ZFYVE9: variants seen among roughly 807,000 people sequenced by gnomAD.
ZFYVE9 encodes the protein zinc finger FYVE domain-containing protein 9.
In ZFYVE9, 43 loss-of-function variants were observed where a neutral mutation model predicts 126.7. That is an observed-to-expected ratio of 0.34 (90% CI 0.27 to 0.44). The LOEUF (loss-of-function observed/expected upper bound fraction) is 0.44. Ranked by LOEUF, ZFYVE9 falls within the 20% of genes least tolerant of loss-of-function variation. The pLI, the probability that ZFYVE9 is intolerant of heterozygous loss-of-function variation, is 1.00. For synonymous variants in ZFYVE9, 521 were observed against 597.4 expected (o/e 0.87, Z 1.87); for missense variants, 1,476 against 1,697.0 (o/e 0.87, Z 2.29).
At chr1:52,287,696 CA>C (rs562577492) in intron 10 of ZFYVE9, among the ~76,000 whole-genome samples, 5,200 of 112,862 alleles carry the variant, frequency 0.046, 287 homozygotes, top group African/African-American at 0.14. Flanking sequence ...CTATCTGTAC[CA>C]AAAAAAAAAA....
At chr1:52,177,428 G>A (rs867661099) in intron 1 of ZFYVE9, among the ~76,000 whole-genome samples, 1 of 152,192 alleles carries the variant, frequency 6.6e-6, no homozygotes, top group Non-Finnish European at 1.5e-5. Flanking sequence ...TTACAGGCGT[G>A]AGCCACTGCA....
intron 4 of ZFYVE9, chr1:52,254,140 A>T (rs1645479680): frequency 2.8e-6 from 2 of 718,196 alleles, no homozygotes. Flanking sequence ...AATTTCCTAG[A>T]TGTACAACTA....
chr1:52,197,934 A>G (rs188039396), intron 1 of ZFYVE9, among the ~76,000 whole-genome samples: 67 of 152,146 alleles, frequency 4.4e-4, no homozygotes, highest in Non-Finnish European at 6.6e-4. Context: ...ATGGAGAACT[A>G]TTTCATATCA....
rs1194736233 is a variant in ZFYVE9, at chr1:52,237,831, C to T, written c.414C>T (p.Asn138=). The T allele has an allele frequency of 6.8e-6, 11 of 1,614,020 alleles. No homozygotes were observed. The highest frequency in any genetic ancestry group is 1.3e-5 in the African/African-American group (1 of 75,036). ...AVEVGEKKCG[N]LACLPDEKNV... ...AAGTGGGAGAGAAGAAATGTGGAAA[C>T]CTGGCTTGTCTGCCAGATGAGAAGA... is the stretch of plus-strand genomic sequence containing the variant. Residue 138 remains asparagine, a synonymous_variant, in exon 4 of 19, where the codon AAC becomes AAT. Coordinates refer to ENST00000287727, the MANE Select transcript of ZFYVE9 (RefSeq NM_004799.4).
chr1:52,222,429 A>G (rs998349826), intron 2 of ZFYVE9, among the ~76,000 whole-genome samples: 8 of 152,162 alleles, frequency 5.3e-5, no homozygotes, highest in Non-Finnish European at 1.2e-4. Context: ...ACCATGAACC[A>G]TTGGTGGTTG....
At chr1:52,279,141 T>A (rs1353290671) in intron 9 of ZFYVE9, among the ~76,000 whole-genome samples, 2 of 152,116 alleles carry the variant, frequency 1.3e-5, no homozygotes, top group Non-Finnish European at 2.9e-5. Flanking sequence ...TCACATTTAG[T>A]TACAGGGGTG....
chr1:52,306,733 TCAC>T (rs1358936824), intron 13 of ZFYVE9, among the ~76,000 whole-genome samples: 1 of 152,232 alleles, frequency 6.6e-6, no homozygotes, highest in Admixed American at 6.5e-5. Context: ...CTTCCGAATG[TCAC>T]CACATTCCCT....
At chr1:52,260,935 G>A (rs1247772508) in intron 4 of ZFYVE9, among the ~76,000 whole-genome samples, 1 of 152,094 alleles carries the variant, frequency 6.6e-6, no homozygotes, top group Non-Finnish European at 1.5e-5. Flanking sequence ...TAACTCTTGG[G>A]GCCTCAAGCC....
intron 1 of ZFYVE9, among the ~76,000 whole-genome samples, chr1:52,148,789 G>A (rs972660855): frequency 3.8e-4 from 57 of 150,794 alleles, no homozygotes; most frequent in South Asian, 1.9e-3. Context: ...CTACAGGTGC[G>A]CGCCACCATG....
In ZFYVE9 at chr1:52,239,427, T is replaced by G; in HGVS notation, c.2010T>G (p.Asp670Glu). 6.2e-7 allele frequency: 1 copy of G among 1,614,160 alleles called. No individual in the cohort carries two copies. Among genetic ancestry groups the G allele is most frequent in the South Asian group, 1.1e-5 (1 of 91,084 alleles). The change falls in exon 4 of 19, where the codon GAT (aspartate) becomes GAG (glutamate). Residue 670 changes from aspartate to glutamate, a missense_variant. By Grantham distance (45) the Asp-to-Glu change is conservative (BLOSUM62 2). Transcript: ENST00000287727. Reference protein sequence around the residue: ...PCLALAPDSPDNDLRAGQFGI... With the variant: ...PCLALAPDSPENDLRAGQFGI... The stretch of plus-strand genomic sequence containing the variant: ...TTGCATTAGCTCCAGATAGCCCAGA[T>G]AATGATCTCAGAGCTGGTCAGTTTG...
chr1:52,263,056 G>A (rs1645594584), intron 4 of ZFYVE9, among the ~76,000 whole-genome samples: 1 of 144,096 alleles, frequency 6.9e-6, no homozygotes, highest in Non-Finnish European at 1.5e-5. Context: ...TCCAGCCTGG[G>A]CCACAGAGTC....
At chr1:52,333,803 A>G (rs1646365385) in intron 14 of ZFYVE9, among the ~76,000 whole-genome samples, 1 of 149,980 alleles carries the variant, frequency 6.7e-6, no homozygotes, top group South Asian at 2.1e-4. Flanking sequence ...AAAAAAAAAA[A>G]AAAAAAGCAG....
chr1:52,278,981 C>T (rs1031790782), intron 9 of ZFYVE9, among the ~76,000 whole-genome samples: 8 of 151,958 alleles, frequency 5.3e-5, no homozygotes, highest in African/African-American at 1.7e-4. Flanking sequence ...CCTGGTGATC[C>T]GCCCGCCTCA....
intron 17 of ZFYVE9, among the ~76,000 whole-genome samples, chr1:52,341,525 G>A (rs1646437434): frequency 6.6e-6 from 1 of 152,236 alleles, no homozygotes; most frequent in African/African-American, 2.4e-5. Context: ...GTTCTCGTAA[G>A]CTGGTAGATC....
intron 13 of ZFYVE9, among the ~76,000 whole-genome samples, chr1:52,326,811 A>G (rs573237839): frequency 1.0e-3 from 157 of 151,264 alleles, no homozygotes; most frequent in East Asian, 5.9e-3. Flanking sequence ...GGAGGCTGCA[A>G]TGAGCCAAGA....
chr1:52,180,493 T>G lies in ZFYVE9; in HGVS notation c.-142-35876T>G, dbSNP rs1644687923. On this transcript the variant is annotated intron_variant, in intron 1 of 18. Transcript: ENST00000287727. ...CCTAAGAAGCCAGTTGAAGATGTAT[T>G]GCTGTCCTCAGTGCAATGCTCTGTC... The G allele has an allele frequency of 5.7e-6, 5 of 871,520 alleles. No individual in the cohort carries two copies. The East Asian group carries it at 1.2e-4, about 21-fold the overall frequency. 54.0% of individuals were successfully genotyped at this position (871,520 alleles called of 1,614,324 possible). A position where few individuals can be genotyped will look rare whatever the true frequency, so the allele number is the denominator to read the frequency against.
intron 1 of ZFYVE9, among the ~76,000 whole-genome samples, chr1:52,210,447 A>G (rs901720380): frequency 6.6e-6 from 1 of 152,108 alleles, no homozygotes; most frequent in Non-Finnish European, 1.5e-5. Flanking sequence ...TTGAGTGGCT[A>G]CCATCAGTGG....
At chr1:52,196,113 A>T (rs1644857820) in intron 1 of ZFYVE9, among the ~76,000 whole-genome samples, 1 of 152,012 alleles carries the variant, frequency 6.6e-6, no homozygotes, top group Non-Finnish European at 1.5e-5. Context: ...ATATTTGTCC[A>T]CAATCTGGGT....
chr1:52,324,889 C>T (rs1646276241), intron 13 of ZFYVE9, among the ~76,000 whole-genome samples: 1 of 152,168 alleles, frequency 6.6e-6, no homozygotes, highest in South Asian at 2.1e-4. Context: ...CGTTCCAGCA[C>T]TTTGGGAGGC....
Sources: allele counts gnomAD v4.1 joint callset (sites outside exome capture counted in the v4.1 genomes callset), GRCh38; gene constraint gnomAD v4.1.1; transcripts MANE v1.5; gene names NCBI Gene and HGNC (gene_info 2026-07-23, HGNC 2026-07-21).